The following RAPGEF4 variants were observed in gnomAD, a reference collection of about 807,000 sequenced individuals.
The protein encoded by RAPGEF4 is RAP guanine-nucleotide-exchange factor (GEF) 4.
A neutral mutation model predicts 147.9 loss-of-function variants in RAPGEF4; 66 were observed. The ratio of observed to expected loss-of-function variants is 0.45; its 90% confidence interval spans 0.37 to 0.55. The LOEUF (loss-of-function observed/expected upper bound fraction) is 0.55. Among genes scored for constraint, RAPGEF4 ranks in the 20% least tolerant of loss-of-function variants. The pLI, the probability that RAPGEF4 is intolerant of heterozygous loss-of-function variation, is 0.00. For synonymous variants in RAPGEF4, 419 were observed against 442.7 expected, an observed-to-expected ratio of 0.95 and a Z score of 0.67; for missense variants, 1,071 against 1,257.3, an observed-to-expected ratio of 0.85 and a Z score of 2.24.
chr2:173,035,791 T>C (rs1188863685), intron 27 of RAPGEF4, among the ~76,000 whole-genome samples: 1 of 152,236 alleles, frequency 6.6e-6, no homozygotes, highest in Non-Finnish European at 1.5e-5. Flanking sequence ...CTTACAATAA[T>C]GTAAGTTAGA....
At chr2:172,988,908 G>C (rs1389769717) in intron 14 of RAPGEF4, 69 bp downstream of exon 14, 8 of 1,514,700 alleles carry the variant, frequency 5.3e-6, no homozygotes, top group Non-Finnish European at 5.4e-6. Context: ...GCAAAGCTTT[G>C]AGCATAGTCT....
chr2:173,029,138 GC>G (rs1442781245), intron 25 of RAPGEF4, among the ~76,000 whole-genome samples: 2 of 152,294 alleles, frequency 1.3e-5, no homozygotes, highest in East Asian at 3.9e-4. Context: ...GGCCTCACTT[GC>G]TTTCTCACCA....
chr2:172,738,893 A>G (rs149539137), intron 1 of RAPGEF4, among the ~76,000 whole-genome samples: 55 of 152,326 alleles, frequency 3.6e-4, no homozygotes, highest in Non-Finnish European at 6.0e-4. Flanking sequence ...AGAAGTATAC[A>G]ATGAAATTTG....
chr2:172,952,173 G>A (rs1039091478), intron 6 of RAPGEF4, among the ~76,000 whole-genome samples: 1 of 152,028 alleles, frequency 6.6e-6, no homozygotes, highest in Admixed American at 6.5e-5. Flanking sequence ...ACCACACCAG[G>A]CTATTTTTTT....
chr2:172,983,788 C>T (rs1421180328), intron 11 of RAPGEF4, among the ~76,000 whole-genome samples: 1 of 152,094 alleles, frequency 6.6e-6, no homozygotes, highest in Admixed American at 6.6e-5. Flanking sequence ...TTGGTAGTTG[C>T]CCATGTGCCC....
At chr2:173,001,440 G>C in intron 17 of RAPGEF4, 96 bp downstream of exon 17, 1 of 1,496,968 alleles carries the variant, frequency 6.7e-7, no homozygotes, top group Non-Finnish European at 9.2e-7. Context: ...GTAAGTCATG[G>C]CCCAGGCAGA....
intron 6 of RAPGEF4, among the ~76,000 whole-genome samples, chr2:172,925,776 AAAG>A (rs1398837419): frequency 2.0e-5 from 1 of 50,204 alleles, no homozygotes; most frequent in Non-Finnish European, 6.7e-5. Context: ...AGAAAGAAAG[AAAG>A]AGAGAGAGAG....
intron 1 of RAPGEF4, among the ~76,000 whole-genome samples, chr2:172,745,595 G>T (rs1694696440): frequency 6.7e-6 from 1 of 150,160 alleles, no homozygotes. Flanking sequence ...CCTTACTTTG[G>T]GTTTAACTTA....
At chr2:172,855,917 TGCCTTGGCATGG>T (rs1188366635) in intron 4 of RAPGEF4, among the ~76,000 whole-genome samples, 1 of 152,184 alleles carries the variant, frequency 6.6e-6, no homozygotes, top group African/African-American at 2.4e-5. Flanking sequence ...GAATATGATG[TGCCTTGGCATGG>T]GTCTTTGTTT....
At chr2:172,925,764 G>GAAGA (rs769607461) in intron 6 of RAPGEF4, among the ~76,000 whole-genome samples, 2 of 89,606 alleles carry the variant, frequency 2.2e-5, no homozygotes, top group African/African-American at 3.8e-5. Context: ...AGAGAGAAAG[G>GAAGA]AAGAAAGAAA....
At chr2:172,893,757 A>G (rs1420372089) in intron 4 of RAPGEF4, 1 of 152,134 alleles carries the variant, frequency 6.6e-6, no homozygotes, top group African/African-American at 2.4e-5. Flanking sequence ...ATCTAAAGCA[A>G]CTTTACTGAA....
At chr2:172,926,619 T>C (rs376701797) in intron 6 of RAPGEF4, among the ~76,000 whole-genome samples, 2 of 152,198 alleles carry the variant, frequency 1.3e-5, no homozygotes, top group Non-Finnish European at 1.5e-5. Context: ...GTCACCAGGC[T>C]GGAGTGCAGT....
intron 15 of RAPGEF4, among the ~76,000 whole-genome samples, chr2:172,993,520 A>G (rs1476877538): frequency 1.3e-5 from 2 of 152,218 alleles, no homozygotes; most frequent in Non-Finnish European, 2.9e-5. Context: ...CATAGCTTAT[A>G]TAATGTAACC....
intron 11 of RAPGEF4, among the ~76,000 whole-genome samples, chr2:172,984,442 C>G (rs1434666837): frequency 2.6e-5 from 4 of 152,184 alleles, no homozygotes; most frequent in African/African-American, 9.7e-5. Context: ...TAGCTCCAAG[C>G]AAGAGGGCTT....
At chr2:172,890,013 T>C (rs954882014) in intron 4 of RAPGEF4, 1 of 190,162 alleles carries the variant, frequency 5.3e-6, no homozygotes, top group African/African-American at 2.4e-5. Flanking sequence ...CAAGCTCAAA[T>C]GCCACTTGGG....
intron 17 of RAPGEF4, among the ~76,000 whole-genome samples, chr2:173,003,634 G>C (rs1426177725): frequency 1.3e-5 from 2 of 152,086 alleles, no homozygotes; most frequent in Non-Finnish European, 2.9e-5. Flanking sequence ...AAACAAAAAA[G>C]GAGTGGCTTG....
chr2:172,802,926 C>T (rs1042196158), intron 3 of RAPGEF4, among the ~76,000 whole-genome samples: 1 of 152,224 alleles, frequency 6.6e-6, no homozygotes, highest in Non-Finnish European at 1.5e-5. Context: ...CCAAAATGAT[C>T]TCCTTTGACT....
At chr2:172,979,410 C>T (rs1281946879) in intron 10 of RAPGEF4, among the ~76,000 whole-genome samples, 1 of 152,220 alleles carries the variant, frequency 6.6e-6, no homozygotes, top group Non-Finnish European at 1.5e-5. Flanking sequence ...ACAATACCAC[C>T]CTACATTTGT....
At chr2:172,831,378 C>A (rs955899928) in intron 4 of RAPGEF4, among the ~76,000 whole-genome samples, 1 of 144,914 alleles carries the variant, frequency 6.9e-6, no homozygotes, top group Non-Finnish European at 1.5e-5. Flanking sequence ...AAGCAATTCT[C>A]CCGCCTCAGC....
Sources: allele counts gnomAD v4.1 joint callset (sites outside exome capture counted in the v4.1 genomes callset), GRCh38; gene constraint gnomAD v4.1.1; transcripts MANE v1.5; gene names NCBI Gene and HGNC (gene_info 2026-07-23, HGNC 2026-07-21).